ADGRG2: variants seen among roughly 807,000 people sequenced by gnomAD.
ADGRG2 encodes the protein adhesion G protein-coupled receptor G2, also known as G protein-coupled receptor 64.
A neutral mutation model predicts 74.1 loss-of-function variants in ADGRG2; 26 were observed. The observed-to-expected ratio is 0.35, with a 90% CI of 0.26 to 0.49. The LOEUF is 0.49. ADGRG2 is among the 20% of genes least tolerant of loss of function. ADGRG2 has a pLI of 0.99. For missense variants in ADGRG2, 619 were observed against 763.1 expected (o/e 0.81, Z 2.22); for synonymous variants, 296 against 295.2 (o/e 1.00, Z -0.03).
At chrX:19,054,988 G>C (rs1252203790) in intron 3 of ADGRG2, among the ~76,000 whole-genome samples, 2 of 111,740 alleles carry the variant, frequency 1.8e-5, no homozygotes, top group Non-Finnish European at 3.8e-5. Context: ...AGCTTCTGCA[G>C]GATATCCATA....
chrX:19,016,540 A>T (rs1380232357), intron 15 of ADGRG2, among the ~76,000 whole-genome samples: 3 of 108,638 alleles, frequency 2.8e-5, no homozygotes, highest in African/African-American at 1.0e-4. Context: ...ATTTTTTATT[A>T]TTTATTTATT....
chrX:19,027,117 TG>T, intron 11 of ADGRG2, 101 bp downstream of exon 11: 1 of 627,684 alleles, frequency 1.6e-6, no homozygotes, highest in African/African-American at 2.1e-5. Flanking sequence ...ACCTTTGGGC[TG>T]GTCTCTTTCC....
At chrX:19,099,170 C>A (rs897417314) in intron 1 of ADGRG2, among the ~76,000 whole-genome samples, 2 of 109,259 alleles carry the variant, frequency 1.8e-5, no homozygotes, top group South Asian at 7.8e-4. Context: ...GGCGATAGAG[C>A]GAGACTCCAT....
At chrX:19,027,843 T>C (rs776395688) in intron 10 of ADGRG2, among the ~76,000 whole-genome samples, 2 of 112,372 alleles carry the variant, frequency 1.8e-5, no homozygotes, top group Non-Finnish European at 3.8e-5. Context: ...AGAATCACAT[T>C]CAGAATATTA....
intron 1 of ADGRG2, among the ~76,000 whole-genome samples, chrX:19,084,734 T>C (rs189727527): frequency 4.5e-5 from 5 of 112,299 alleles, no homozygotes; most frequent in East Asian, 5.6e-4. Flanking sequence ...TTCCAAAACC[T>C]TACTGATGAC....
intron 3 of ADGRG2, among the ~76,000 whole-genome samples, chrX:19,062,980 A>T (rs1290335176): frequency 9.5e-6 from 1 of 105,568 alleles, no homozygotes; most frequent in South Asian, 4.4e-4. Context: ...GAATAGTTGT[A>T]TCTAAAAGAA....
chrX:19,057,353 G>A (rs747694515), intron 3 of ADGRG2, among the ~76,000 whole-genome samples: 31 of 111,853 alleles, frequency 2.8e-4, no homozygotes, highest in African/African-American at 9.1e-4. Context: ...CAAAGATCAT[G>A]GGGTTCCATC....
intron 1 of ADGRG2, among the ~76,000 whole-genome samples, chrX:19,113,327 G>A (rs921106295): frequency 3.6e-5 from 4 of 110,923 alleles, no homozygotes; most frequent in Non-Finnish European, 5.7e-5. Flanking sequence ...GCAGTGAGCC[G>A]AGATTGTGCC....
chrX:19,099,165 T>C (rs1327491706), intron 1 of ADGRG2, among the ~76,000 whole-genome samples: 6 of 109,795 alleles, frequency 5.5e-5, no homozygotes, highest in Non-Finnish European at 7.6e-5. Context: ...GCCTGGGCGA[T>C]AGAGCGAGAC....
chrX:19,007,097 G>T, intron 20 of ADGRG2, 138 bp downstream of exon 20: 1 of 563,436 alleles, frequency 1.8e-6, no homozygotes, highest in East Asian at 3.4e-5. Context: ...GGAGAGATGT[G>T]ATTCTAGTCC....
chrX:19,028,506 T>C lies in ADGRG2; in HGVS notation c.359-268A>G, dbSNP rs190456488. Among the ~76,000 whole-genome samples the C allele has an allele frequency of 9.9e-5, 11 of 111,527 alleles. No individual in the cohort carries two copies. The East Asian group carries it at 1.7e-3, about 17-fold the overall frequency. On this transcript the variant is annotated intron_variant, in intron 9 of 28. Coordinates refer to ENST00000379869, the MANE Select transcript of ADGRG2 (RefSeq NM_001079858.3). ...GACTTTGACTCTATCTGGAAACAAA[T>C]AAAATAGAGACTCCTAAACAGAAAG...
chrX:19,112,987 CCAA>C (rs1236498473), intron 1 of ADGRG2, among the ~76,000 whole-genome samples: 2 of 84,370 alleles, frequency 2.4e-5, no homozygotes, highest in African/African-American at 1.4e-4. Context: ...AAAAAAAAAA[CCAA>C]AAAAAAAAAA....
chrX:19,007,173 A>G, intron 20 of ADGRG2, 62 bp downstream of exon 20: 5 of 1,156,007 alleles, frequency 4.3e-6, no homozygotes, highest in Non-Finnish European at 5.9e-6. Context: ...GCCATGCCTT[A>G]CAAGCATAGT....
intron 28 of ADGRG2, 59 bp from the exon 29 acceptor site, chrX:18,991,107 A>G: frequency 1.5e-6 from 1 of 671,329 alleles, no homozygotes. Context: ...ATTAAAAAGC[A>G]AACAAACTTA....
At chrX:19,049,504 G>T (rs6633191) in intron 3 of ADGRG2, among the ~76,000 whole-genome samples, 51,356 of 102,551 alleles carry the variant, frequency 0.5, 11,361 homozygotes, top group Non-Finnish European at 0.66. Context: ...CCCCAATGGG[G>T]ATGATAGCGC....
intron 3 of ADGRG2, among the ~76,000 whole-genome samples, chrX:19,055,682 C>T (rs1054868364): frequency 7.3e-5 from 8 of 109,294 alleles, no homozygotes; most frequent in African/African-American, 1.7e-4. Flanking sequence ...GAGCACGATG[C>T]GGCAGGCAAA....
chrX:18,992,393 G>A (rs775869558), intron 28 of ADGRG2, among the ~76,000 whole-genome samples: 53 of 112,312 alleles, frequency 4.7e-4, no homozygotes, highest in African/African-American at 1.6e-3. Context: ...GGGTTCAAGC[G>A]ATTCTCCTGC....
chrX:19,062,930 C>A (rs1203471172), intron 3 of ADGRG2, among the ~76,000 whole-genome samples: 1 of 109,587 alleles, frequency 9.1e-6, no homozygotes, highest in African/African-American at 3.3e-5. Context: ...GAAATTATAA[C>A]CATCTTCCAC....
intron 9 of ADGRG2, among the ~76,000 whole-genome samples, chrX:19,028,990 C>A (rs985523387): frequency 1.8e-5 from 2 of 111,843 alleles, no homozygotes; most frequent in Non-Finnish European, 3.8e-5. Context: ...GGCTGTGTTC[C>A]AATAAAACTT....
Sources: allele counts gnomAD v4.1 joint callset (sites outside exome capture counted in the v4.1 genomes callset), GRCh38; gene constraint gnomAD v4.1.1; transcripts MANE v1.5; gene names NCBI Gene and HGNC (gene_info 2026-07-23, HGNC 2026-07-21).